CTNNA3: variants seen among roughly 807,000 people sequenced by gnomAD.
The protein encoded by CTNNA3 is catenin alpha-3.
Under a neutral mutation model 95.7 loss-of-function variants are expected in CTNNA3, and 76 were observed. That is an observed-to-expected ratio of 0.79 (90% CI 0.66 to 0.96). The LOEUF is 0.96. CTNNA3 is among the 40% of genes least tolerant of loss of function. CTNNA3 has a pLI of 0.00. For missense variants in CTNNA3, 1,191 were observed against 1,089.8 expected, an observed-to-expected ratio of 1.09 and a Z score of -1.31; for synonymous variants, 431 against 374.4, an observed-to-expected ratio of 1.15 and a Z score of -1.74.
In CTNNA3 at chr10:67,558,845, T is replaced by TGGCTCGGAGGGTCCTACGCCCAC. The variant is rs1373575919; in HGVS notation, c.293-19199_293-19177dup. On this transcript the variant is annotated intron_variant, in intron 3 of 17. Coordinates refer to ENST00000433211, the MANE Select transcript of CTNNA3 (RefSeq NM_013266.4). ...ACGCCAGGAGATTATATCCCGCACA[T>TGGCTCGGAGGGTCCTACGCCCAC]GGCTCGGAGGGTCCTACGCCCACGG... is the stretch of plus-strand genomic sequence containing the variant. Among the ~76,000 whole-genome samples, 15 of 152,330 alleles carry TGGCTCGGAGGGTCCTACGCCCAC rather than the reference T, an allele frequency of 9.8e-5. No individual in the cohort carries two copies. The East Asian group carries it at 2.7e-3, about 27-fold the overall frequency.
intron 7 of CTNNA3, chr10:66,926,364 G>T: frequency 8.3e-6 from 5 of 600,340 alleles, no homozygotes; most frequent in Admixed American, 2.8e-5. Context: ...TTGATGTTTT[G>T]CTGCGAATGC....
At chr10:66,406,102 G>A (rs982989876) in intron 11 of CTNNA3, among the ~76,000 whole-genome samples, 1 of 152,076 alleles carries the variant, frequency 6.6e-6, no homozygotes, top group Non-Finnish European at 1.5e-5. Flanking sequence ...TTATTAAATG[G>A]CAGTTAATGA....
chr10:67,632,878 A>G (rs1839191076), intron 2 of CTNNA3, among the ~76,000 whole-genome samples: 1 of 152,128 alleles, frequency 6.6e-6, no homozygotes, highest in African/African-American at 2.4e-5. Flanking sequence ...CCAGGGAGCC[A>G]AACAGCGTCA....
chr10:66,028,600 T>C (rs1034608864), intron 15 of CTNNA3, among the ~76,000 whole-genome samples: 4 of 144,484 alleles, frequency 2.8e-5, no homozygotes, highest in African/African-American at 1.0e-4. Context: ...TGTTGTGGGG[T>C]GGGGGAAGGG....
chr10:66,103,159 T>G lies in CTNNA3; in HGVS notation c.1975A>C (p.Arg659=). ...TCCCACCAGTTGAAGTGACATACCC[T>G]ATCAGTTTTCCCTTCGGTCTGAATG... ...TSIQTEGKTD[R]AKMTQLPEAE... is the part of the protein sequence containing the mutation. The change falls in exon 14 of 18, where the codon AGG becomes CGG. Residue 659 remains arginine, a splice_region_variant and synonymous_variant. Transcript: ENST00000433211. 1.2e-6 allele frequency: 2 copies of G among 1,612,662 alleles called. No homozygotes were observed. The highest frequency in any genetic ancestry group is 1.7e-6 in the Non-Finnish European group (2 of 1,178,650).
rs533335874 is a variant in CTNNA3 at position 66,830,681 on chromosome 10, C to T, written c.1048-55157G>A. ...CTGGAGTGCAGTGGTGCGATCTCGG[C>T]TCACCGCAAGCTCCGCCTCCTGGGT... On this transcript the variant is annotated intron_variant, in intron 7 of 17. Coordinates refer to ENST00000433211, the MANE Select transcript of CTNNA3 (RefSeq NM_013266.4). 3.1e-3 allele frequency among the ~76,000 whole-genome samples: 478 copies of T among 151,976 alleles called. 1 individual carries two copies. Among genetic ancestry groups the T allele is most frequent in the African/African-American group, 0.011 (446 of 41,436 alleles).
chr10:66,680,524 C>A (rs1031920386), intron 9 of CTNNA3, among the ~76,000 whole-genome samples: 7 of 152,120 alleles, frequency 4.6e-5, no homozygotes, highest in African/African-American at 1.7e-4. Context: ...GAATGAACAG[C>A]AACATTTCCT....
chr10:66,360,257 C>T (rs1176321115), intron 12 of CTNNA3, among the ~76,000 whole-genome samples: 5 of 151,550 alleles, frequency 3.3e-5, no homozygotes, highest in Admixed American at 6.6e-5. Context: ...TTACATTATT[C>T]AATATCTGTA....
At chr10:67,057,542 TCA>T (rs1855513034) in intron 7 of CTNNA3, among the ~76,000 whole-genome samples, 2 of 152,304 alleles carry the variant, frequency 1.3e-5, no homozygotes, top group Admixed American at 1.3e-4. Context: ...CTGGCTTATT[TCA>T]CTTAGTATAA....
intron 7 of CTNNA3, among the ~76,000 whole-genome samples, chr10:66,890,864 C>G (rs757116969): frequency 6.6e-6 from 1 of 152,034 alleles, no homozygotes; most frequent in Non-Finnish European, 1.5e-5. Flanking sequence ...AAGTAAAGCC[C>G]TTTGAAGGAG....
At chr10:67,471,605 T>G (rs1468457939) in intron 5 of CTNNA3, among the ~76,000 whole-genome samples, 1 of 152,170 alleles carries the variant, frequency 6.6e-6, no homozygotes, top group Non-Finnish European at 1.5e-5. Context: ...ATTCCCCTAA[T>G]AAGAGTTGCA....
At chr10:66,708,733 G>T (rs933975291) in intron 9 of CTNNA3, among the ~76,000 whole-genome samples, 41 of 152,156 alleles carry the variant, frequency 2.7e-4, no homozygotes, top group African/African-American at 9.2e-4. Flanking sequence ...AGACCTCAAA[G>T]TTGATCATGT....
intron 13 of CTNNA3, among the ~76,000 whole-genome samples, chr10:66,261,212 A>T (rs2090986427): frequency 6.6e-6 from 1 of 151,954 alleles, no homozygotes; most frequent in East Asian, 1.9e-4. Context: ...TTCTGTTGGG[A>T]ATTTTATTTT....
intron 7 of CTNNA3, among the ~76,000 whole-genome samples, chr10:66,879,109 C>T (rs1417683049): frequency 2.6e-5 from 4 of 152,030 alleles, no homozygotes; most frequent in African/African-American, 9.7e-5. Context: ...AGCCACAGAG[C>T]CACTAGTTGC....
At chr10:67,195,683 A>G (rs1863331114) in intron 6 of CTNNA3, among the ~76,000 whole-genome samples, 1 of 152,164 alleles carries the variant, frequency 6.6e-6, no homozygotes, top group Middle Eastern at 3.4e-3. Context: ...TTCCACCAAT[A>G]TTTATTAATC....
At chr10:67,198,208 G>A (rs575068417) in intron 6 of CTNNA3, among the ~76,000 whole-genome samples, 2 of 152,234 alleles carry the variant, frequency 1.3e-5, no homozygotes, top group Admixed American at 1.3e-4. Flanking sequence ...ATGAGATTAT[G>A]TCATGATATG....
chr10:66,103,210 C>T lies in CTNNA3; in HGVS notation c.1924G>A (p.Glu642Lys). Residue 642 changes from glutamate to lysine, a missense_variant, in exon 14 of 18, where the codon GAA (glutamate) becomes AAA (lysine). Coordinates refer to ENST00000433211, the MANE Select transcript of CTNNA3 (RefSeq NM_013266.4). The part of the protein sequence containing the change: ...ELEDVSDLEE[E>K]HEVRSHTSIQ... Reference sequence around the variant, plus strand: ...CTGGTGTGACTGCGGACCTCGTGTTCCTCTTCAAGGTCAGAAACATCCTCC... The same window carrying T: ...CTGGTGTGACTGCGGACCTCGTGTTTCTCTTCAAGGTCAGAAACATCCTCC... 6.2e-7 allele frequency: 1 copy of T among 1,614,078 alleles called. No individual in the cohort carries two copies. The highest frequency in any genetic ancestry group is 8.5e-7 in the Non-Finnish European group (1 of 1,179,966).
chr10:66,231,325 T>G (rs756315642), intron 13 of CTNNA3, among the ~76,000 whole-genome samples: 18 of 152,174 alleles, frequency 1.2e-4, no homozygotes, highest in Non-Finnish European at 2.2e-4. Context: ...ATAACCCTAG[T>G]ATCTATGCCT....
At chr10:67,459,059 G>A (rs2132986576) in intron 5 of CTNNA3, among the ~76,000 whole-genome samples, 1 of 152,278 alleles carries the variant, frequency 6.6e-6, no homozygotes, top group Non-Finnish European at 1.5e-5. Flanking sequence ...ACAAATTTGT[G>A]AGAAAAGAGC....
Sources: allele counts gnomAD v4.1 joint callset (sites outside exome capture counted in the v4.1 genomes callset), GRCh38; gene constraint gnomAD v4.1.1; transcripts MANE v1.5; gene names NCBI Gene and HGNC (gene_info 2026-07-23, HGNC 2026-07-21).